The following TMEM132D variants were observed in gnomAD, a reference collection of about 807,000 sequenced individuals.
TMEM132D encodes the protein mature OL transmembrane protein.
Under a neutral mutation model 62.3 loss-of-function variants are expected in TMEM132D, and 21 were observed. The observed-to-expected ratio is 0.34, with a 90% confidence interval of 0.24 to 0.49. The LOEUF is 0.49. Among genes scored for constraint, TMEM132D ranks in the 20% least tolerant of loss-of-function variants. The pLI, the probability that TMEM132D is intolerant of heterozygous loss-of-function variation, is 0.99. For synonymous variants in TMEM132D, 621 were observed against 575.6 expected, an observed-to-expected ratio of 1.08 and a Z score of -1.13; for missense variants, 1,346 against 1,402.8, an observed-to-expected ratio of 0.96 and a Z score of 0.65.
intron 5 of TMEM132D, among the ~76,000 whole-genome samples, chr12:129,101,238 C>A (rs906501011): frequency 1.3e-5 from 2 of 152,200 alleles, no homozygotes; most frequent in African/African-American, 4.8e-5. Context: ...CCTGGCCGAG[C>A]CTCCAACAAA....
chr12:129,672,279 G>A (rs181446948), intron 2 of TMEM132D, among the ~76,000 whole-genome samples: 3 of 152,300 alleles, frequency 2.0e-5, no homozygotes, highest in African/African-American at 4.8e-5. Context: ...CCCACTTCCA[G>A]GATTGTAAAA....
intron 2 of TMEM132D, among the ~76,000 whole-genome samples, chr12:129,540,766 A>C (rs188452540): frequency 7.2e-5 from 11 of 152,320 alleles, no homozygotes; most frequent in Admixed American, 3.3e-4. Flanking sequence ...ACGAGATTAC[A>C]GGTGTGAGCC....
chr12:129,716,895 C>G (rs574447155), intron 1 of TMEM132D, among the ~76,000 whole-genome samples: 1 of 152,142 alleles, frequency 6.6e-6, no homozygotes, highest in African/African-American at 2.4e-5. Context: ...ACAGTGGCAC[C>G]CATCTTCATG....
At chr12:129,822,396 G>A (rs1383149029) in intron 1 of TMEM132D, among the ~76,000 whole-genome samples, 2 of 152,172 alleles carry the variant, frequency 1.3e-5, no homozygotes, top group Non-Finnish European at 2.9e-5. Flanking sequence ...GGTAACACAG[G>A]TGGAAGTCAG....
chr12:129,799,734 A>G (rs143449614), intron 1 of TMEM132D, among the ~76,000 whole-genome samples: 236 of 152,280 alleles, frequency 1.5e-3, no homozygotes, highest in African/African-American at 5.4e-3. Flanking sequence ...AGGCTTTGGT[A>G]CTGGGGAGTA....
At chr12:129,765,593 A>G (rs1351733999) in intron 1 of TMEM132D, among the ~76,000 whole-genome samples, 1 of 152,056 alleles carries the variant, frequency 6.6e-6, no homozygotes, top group Non-Finnish European at 1.5e-5. Context: ...GACCCAGAAA[A>G]AAAAAAGAAA....
chr12:129,676,498 C>T, intron 2 of TMEM132D, among the ~76,000 whole-genome samples: 1 of 152,126 alleles, frequency 6.6e-6, no homozygotes, highest in East Asian at 1.9e-4. Context: ...AGACATGGTA[C>T]CAGCATCGGC....
intron 3 of TMEM132D, among the ~76,000 whole-genome samples, chr12:129,484,574 T>C (rs2137055659): frequency 6.6e-6 from 1 of 152,272 alleles, no homozygotes; most frequent in South Asian, 2.1e-4. Context: ...AGTGGTGAAA[T>C]GGACTTCATT....
chr12:129,342,322 G>A (rs1390897449), intron 3 of TMEM132D, among the ~76,000 whole-genome samples: 2 of 152,224 alleles, frequency 1.3e-5, no homozygotes, highest in African/African-American at 4.8e-5. Flanking sequence ...CAAGCAATGG[G>A]GAAAGGATTC....
intron 2 of TMEM132D, among the ~76,000 whole-genome samples, chr12:129,550,486 T>C (rs1876863155): frequency 6.6e-6 from 1 of 152,190 alleles, no homozygotes; most frequent in Non-Finnish European, 1.5e-5. Flanking sequence ...GGGCCGCTCC[T>C]TTGTTGACAT....
intron 1 of TMEM132D, among the ~76,000 whole-genome samples, chr12:129,729,099 C>T (rs1869133265): frequency 6.6e-6 from 1 of 152,270 alleles, no homozygotes; most frequent in South Asian, 2.1e-4. Flanking sequence ...TTCCATATTG[C>T]AAAAATCAAC....
At chr12:129,422,560 A>G (rs1311039869) in intron 3 of TMEM132D, among the ~76,000 whole-genome samples, 1 of 152,218 alleles carries the variant, frequency 6.6e-6, no homozygotes, top group Non-Finnish European at 1.5e-5. Flanking sequence ...AAAGGTTGCA[A>G]ATAAATTAGT....
chr12:129,319,887 C>T (rs1293615956), intron 4 of TMEM132D, among the ~76,000 whole-genome samples: 2 of 152,176 alleles, frequency 1.3e-5, no homozygotes, highest in South Asian at 2.1e-4. Context: ...TGCTCTATCA[C>T]AGATCCAAGA....
In TMEM132D at chr12:129,840,758, C is replaced by T. The variant is rs536722370; in HGVS notation, c.79+62503G>A. Among the ~76,000 whole-genome samples, 1,358 of 152,312 alleles carry T rather than the reference C, an allele frequency of 8.9e-3. 9 individuals carry two copies. Among genetic ancestry groups the T allele is most frequent in the Non-Finnish European group, 0.011 (769 of 68,032 alleles). On this transcript the variant is annotated intron_variant, in intron 1 of 8. Transcript: ENST00000422113. The stretch of plus-strand genomic sequence containing the variant: ...GGCAACACCAGCGAGCTTCTGAAGC[C>T]ACTAGCACCTCAGTTCCTCATCCTC...
At chr12:129,516,882 G>C (rs1309679569) in intron 3 of TMEM132D, among the ~76,000 whole-genome samples, 1 of 152,174 alleles carries the variant, frequency 6.6e-6, no homozygotes, top group East Asian at 1.9e-4. Flanking sequence ...CCATTGCCTT[G>C]CTTTTTTCAG....
At chr12:129,132,887 G>T (rs1227946657) in intron 5 of TMEM132D, among the ~76,000 whole-genome samples, 1 of 152,148 alleles carries the variant, frequency 6.6e-6, no homozygotes, top group East Asian at 1.9e-4. Flanking sequence ...CTTGGAGAGA[G>T]CTTGCTGCAG....
chr12:129,743,904 A>G (rs1472743109), intron 1 of TMEM132D, among the ~76,000 whole-genome samples: 1 of 152,214 alleles, frequency 6.6e-6, no homozygotes, highest in Non-Finnish European at 1.5e-5. Context: ...GAAGACACAC[A>G]GCTCTGCCTA....
At chr12:129,452,051 C>T (rs12810725) in intron 3 of TMEM132D, among the ~76,000 whole-genome samples, 8,233 of 152,234 alleles carry the variant, frequency 0.054, 295 homozygotes, top group South Asian at 0.11. Context: ...TTTAAAGAGA[C>T]GAAATGCTAT....
intron 1 of TMEM132D, among the ~76,000 whole-genome samples, chr12:129,747,498 ACACT>A (rs374688851): frequency 1.7e-3 from 260 of 150,778 alleles, no homozygotes; most frequent in African/African-American, 6.0e-3. Flanking sequence ...CCTCTCACAC[ACACT>A]CAGACACACA....
Sources: allele counts gnomAD v4.1 joint callset (sites outside exome capture counted in the v4.1 genomes callset), GRCh38; gene constraint gnomAD v4.1.1; transcripts MANE v1.5; gene names NCBI Gene and HGNC (gene_info 2026-07-23, HGNC 2026-07-21).